TJP1: variants seen among roughly 807,000 people sequenced by gnomAD.
TJP1 encodes tight junction protein ZO-1.
TJP1 carries 43 observed loss-of-function variants against 194.2 expected under a neutral mutation model. The observed-to-expected ratio is 0.22, with a 90% CI of 0.17 to 0.29. The LOEUF (loss-of-function observed/expected upper bound fraction) is 0.29. TJP1 is among the 10% of genes least tolerant of loss of function. The probability of loss-of-function intolerance (pLI) is 1.00; values close to 1 mark genes in which losing one functional copy is unlikely to be tolerated. For missense variants in TJP1, 1,971 were observed against 2,185.7 expected (o/e 0.90, Z 1.96); for synonymous variants, 801 against 779.0 (o/e 1.03, Z -0.47).
intron 2 of TJP1, among the ~76,000 whole-genome samples, chr15:29,799,433 A>G (rs920741632): frequency 6.8e-6 from 1 of 148,008 alleles, no homozygotes; most frequent in African/African-American, 2.5e-5. Context: ...TTTTTTTTTG[A>G]GAGGGAGTCT....
chr15:29,744,476 C>G (rs2044634123), intron 8 of TJP1, among the ~76,000 whole-genome samples: 1 of 151,976 alleles, frequency 6.6e-6, no homozygotes, highest in African/African-American at 2.4e-5. Context: ...TTAATAATTT[C>G]CCCAGATAAA....
At chr15:29,949,006 TCCA>T (rs1567223345) in intron 2 of TJP1, among the ~76,000 whole-genome samples, 1 of 100,824 alleles carries the variant, frequency 9.9e-6, no homozygotes, top group Admixed American at 1.1e-4. Context: ...CACCACCACC[TCCA>T]CCACTTCTAC....
At chr15:29,931,992 A>G (rs2054730955) in intron 2 of TJP1, among the ~76,000 whole-genome samples, 1 of 152,108 alleles carries the variant, frequency 6.6e-6, no homozygotes, top group Non-Finnish European at 1.5e-5. Context: ...AGTAGTGAGG[A>G]CCACCAGAAG....
In TJP1 at chr15:29,723,540, G is replaced by C. The variant is rs79096051; in HGVS notation, c.2413-2832C>G. ...AATCTCTTTTCTTTATAAGTTACCC[G>C]GTCTCAGGTAGTTCTTTACAGCAGT... On this transcript the variant is annotated intron_variant, in intron 18 of 27. Transcript: ENST00000614355. Among the ~76,000 whole-genome samples the C allele has an allele frequency of 4.2e-4, 64 of 152,248 alleles. 2 individuals carry two copies. The East Asian group carries it at 0.012, about 28-fold the overall frequency.
rs768226786 is a variant in TJP1 at position 29,710,869 on chromosome 15, G to A, written c.4334C>T (p.Ala1445Val). Reference protein sequence around the residue: ...YAQPSQPVTSASLHIHSKGAH... With the variant: ...YAQPSQPVTSVSLHIHSKGAH... ...TCCCTTAGAATGTATGTGGAGAGAC[G>A]CGCTGGTGACAGGCTGAGATGGCTG... is the stretch of plus-strand genomic sequence containing the variant. Residue 1445 changes from alanine to valine, a missense_variant, in exon 24 of 28, where the codon GCG (alanine) becomes GTG (valine). Ala to Val is a moderately conservative substitution (Grantham distance 64). Coordinates refer to ENST00000614355, the MANE Select transcript of TJP1 (RefSeq NM_001330239.4). 14 of 1,613,960 alleles carry A rather than the reference G, an allele frequency of 8.7e-6. No homozygotes were observed. The highest frequency in any genetic ancestry group is 6.7e-5 in the East Asian group (3 of 44,896).
intron 23 of TJP1, among the ~76,000 whole-genome samples, 158 bp downstream of exon 23, chr15:29,716,453 A>C (rs921292294): frequency 6.6e-6 from 1 of 152,216 alleles, no homozygotes; most frequent in Admixed American, 6.5e-5. Context: ...TTAAAAACAA[A>C]ACACACATCC....
chr15:29,782,894 C>CAAA (rs34832565), intron 2 of TJP1, among the ~76,000 whole-genome samples: 3 of 80,698 alleles, frequency 3.7e-5, no homozygotes, highest in South Asian at 4.4e-4. Context: ...AGACACTTTT[C>CAAA]AAAAAAAAAA....
Position 29,713,540 on chromosome 15 carries a change from T to C in TJP1, c.4203-2540A>G, listed in dbSNP as rs913732837. 7.9e-5 allele frequency among the ~76,000 whole-genome samples: 12 copies of C among 152,344 alleles called. No individual in the cohort carries two copies. The South Asian group carries it at 2.3e-3, about 29-fold the overall frequency. On this transcript the variant is annotated intron_variant, in intron 23 of 27. Coordinates refer to ENST00000614355, the MANE Select transcript of TJP1 (RefSeq NM_001330239.4). ...CACATCATCTGAAGGAAGAAAATTT[T>C]GCTACTCCTGTATTTACTGAAAGAA...
At chr15:29,936,003 C>T (rs2054868824) in intron 2 of TJP1, among the ~76,000 whole-genome samples, 1 of 152,102 alleles carries the variant, frequency 6.6e-6, no homozygotes, top group Non-Finnish European at 1.5e-5. Context: ...CATCACCTCT[C>T]TGTAGCATCC....
rs2050466958 is a variant in TJP1 at position 29,822,439 on chromosome 15, C to T, written c.-411G>A. 3 of 987,788 alleles carry T rather than the reference C, an allele frequency of 3.0e-6. No homozygotes were observed. The highest frequency in any genetic ancestry group is 9.4e-5 in the South Asian group (2 of 21,326). The allele number at this position is 987,788 out of a possible 1,614,324, so 61.2% of individuals were successfully genotyped here. On this transcript the variant is annotated 5_prime_UTR_variant, in exon 1 of 28. Transcript: ENST00000614355. ...CGCCAAGGAACGCGGCGTCCGCTGG[C>T]TCAGCCGGCGCCGGCAACTCAGCGG... is the stretch of plus-strand genomic sequence containing the variant.
Position 29,720,013 on chromosome 15 carries a change from C to A in TJP1, c.2767G>T (p.Ala923Ser). The stretch of plus-strand genomic sequence containing the variant: ...TAAGGGACTGGAGATGAAGCTTCTG[C>A]TTTCTGTGAAGTGTTTAAAATATTT... ...PGFKPASQQK[A>S]EASSPVPYLS... is the part of the protein sequence containing the mutation. The change falls in exon 20 of 28, where the codon GCA (alanine) becomes TCA (serine). Residue 923 changes from alanine to serine, a missense_variant. Physicochemically the swap from Ala to Ser is moderately conservative, Grantham distance 99 (BLOSUM62 1). Coordinates refer to ENST00000614355, the MANE Select transcript of TJP1 (RefSeq NM_001330239.4). 1 of 1,602,840 alleles carries A rather than the reference C, an allele frequency of 6.2e-7. No homozygotes were observed. The highest frequency in any genetic ancestry group is 8.5e-7 in the Non-Finnish European group (1 of 1,176,468).
chr15:29,944,271 A>T (rs1255974190), intron 2 of TJP1, among the ~76,000 whole-genome samples: 1 of 150,798 alleles, frequency 6.6e-6, no homozygotes. Context: ...TTTTTTTTGT[A>T]TTTTTAGTAG....
intron 4 of TJP1, among the ~76,000 whole-genome samples, chr15:29,767,595 T>C (rs1390674359): frequency 6.6e-6 from 1 of 152,096 alleles, no homozygotes; most frequent in Non-Finnish European, 1.5e-5. Context: ...CTCTGTAAAT[T>C]CATTTTACAG....
At chr15:29,837,894 A>C (rs2051089739) in intron 2 of TJP1, among the ~76,000 whole-genome samples, 1 of 152,204 alleles carries the variant, frequency 6.6e-6, no homozygotes, top group Non-Finnish European at 1.5e-5. Flanking sequence ...GTATCAATCC[A>C]ATGTGATGAC....
intron 2 of TJP1, among the ~76,000 whole-genome samples, chr15:29,794,680 CT>C (rs763281440): frequency 6.6e-6 from 1 of 152,128 alleles, no homozygotes; most frequent in African/African-American, 2.4e-5. Flanking sequence ...GGGAAACATA[CT>C]TTAGCTAATT....
chr15:29,789,037 C>T (rs954529062), intron 2 of TJP1, among the ~76,000 whole-genome samples: 10 of 152,110 alleles, frequency 6.6e-5, no homozygotes, highest in African/African-American at 9.7e-5. Flanking sequence ...ATCAACTCAT[C>T]AATTTTTAAA....
chr15:29,879,376 ACGC>A (rs1240072946), intron 2 of TJP1, among the ~76,000 whole-genome samples: 2 of 152,128 alleles, frequency 1.3e-5, no homozygotes, highest in Non-Finnish European at 2.9e-5. Context: ...CAGTGGACAG[ACGC>A]CTCCCTATCC....
At chr15:29,872,268 T>C (rs749372512) in intron 2 of TJP1, among the ~76,000 whole-genome samples, 8 of 152,222 alleles carry the variant, frequency 5.3e-5, no homozygotes, top group Non-Finnish European at 8.8e-5. Context: ...ATAACTGTGC[T>C]AGATTATGTG....
chr15:29,870,724 T>A (rs1173397759), intron 2 of TJP1, among the ~76,000 whole-genome samples: 2 of 152,156 alleles, frequency 1.3e-5, no homozygotes. Flanking sequence ...TGCAGGGATG[T>A]TAGGAAGACT....
Sources: allele counts gnomAD v4.1 joint callset (sites outside exome capture counted in the v4.1 genomes callset), GRCh38; gene constraint gnomAD v4.1.1; transcripts MANE v1.5; gene names NCBI Gene and HGNC (gene_info 2026-07-23, HGNC 2026-07-21).